RP9: variants seen among roughly 807,000 people sequenced by gnomAD.
RP9 encodes the protein retinitis pigmentosa 9 protein.
A neutral mutation model predicts 32.6 loss-of-function variants in RP9; 23 were observed. That is an observed-to-expected ratio of 0.71 (90% CI 0.51 to 1.00). The LOEUF is 1.00. Ranked by LOEUF, RP9 falls within the 50% of genes least tolerant of loss-of-function variation. The pLI is 0.00. For synonymous variants in RP9, 94 were observed against 103.6 expected, an observed-to-expected ratio of 0.91 and a Z score of 0.56; for missense variants, 245 against 285.3, an observed-to-expected ratio of 0.86 and a Z score of 1.02.
At chr7:33,098,687 A>G (rs6948361) in intron 3 of RP9, among the ~76,000 whole-genome samples, 82,246 of 152,016 alleles carry the variant, frequency 0.54, 22,938 homozygotes, top group African/African-American at 0.68. Context: ...TTTAACAAAT[A>G]ATCAAGGCAA....
At chr7:33,107,138 T>C (rs1788510882) in intron 1 of RP9, among the ~76,000 whole-genome samples, 1 of 152,196 alleles carries the variant, frequency 6.6e-6, no homozygotes, top group African/African-American at 2.4e-5. Context: ...ATTACTGTGG[T>C]ATAAATACAA....
At chr7:33,107,526 G>A (rs569434642) in intron 1 of RP9, among the ~76,000 whole-genome samples, 3 of 152,220 alleles carry the variant, frequency 2.0e-5, no homozygotes, top group South Asian at 2.1e-4. Flanking sequence ...GACCAAGAGC[G>A]CCACACAGTG....
intron 1 of RP9, among the ~76,000 whole-genome samples, chr7:33,102,494 T>C (rs79092269): frequency 6.6e-6 from 1 of 151,898 alleles, no homozygotes; most frequent in Non-Finnish European, 1.5e-5. Context: ...ATTCTCAAGA[T>C]AAAAAAAAGT....
intron 1 of RP9, among the ~76,000 whole-genome samples, chr7:33,104,628 A>G (rs1444459303): frequency 6.6e-6 from 1 of 152,216 alleles, no homozygotes; most frequent in East Asian, 1.9e-4. Flanking sequence ...CAGTTTTGGA[A>G]GCTAGAAGAT....
At chr7:33,096,410 C>A in intron 5 of RP9, 83 bp downstream of exon 5, 1 of 936,030 alleles carries the variant, frequency 1.1e-6, no homozygotes, top group South Asian at 1.3e-5. Context: ...CTGCACCATT[C>A]CTCTAACACT....
At chr7:33,096,582 G>T (rs769762099) in intron 4 of RP9, 28 bp from the exon 5 acceptor site, 2 of 1,509,918 alleles carry the variant, frequency 1.3e-6, no homozygotes, top group South Asian at 2.2e-5. Context: ...GTTAAGGTTT[G>T]GTTAGGCTTC....
At chr7:33,096,625 A>T (rs1216807347) in intron 4 of RP9, 71 bp from the exon 5 acceptor site, 1 of 1,032,800 alleles carries the variant, frequency 9.7e-7, no homozygotes, top group Non-Finnish European at 1.5e-6. Flanking sequence ...TGAAATGCCT[A>T]TGTTATGAAA....
At chr7:33,108,982 A>C (rs1262325469) in intron 1 of RP9, among the ~76,000 whole-genome samples, 2 of 152,092 alleles carry the variant, frequency 1.3e-5, no homozygotes, top group East Asian at 3.9e-4. Context: ...CCCAAGTCAG[A>C]TTCTGCTTGG....
intron 1 of RP9, among the ~76,000 whole-genome samples, chr7:33,105,778 A>G (rs2128033743): frequency 6.6e-6 from 1 of 152,284 alleles, no homozygotes; most frequent in South Asian, 2.1e-4. Flanking sequence ...TTGTCTAATC[A>G]TATTTCTACA....
At chr7:33,100,722 T>C (rs1788412084) in intron 1 of RP9, 161 bp from the exon 2 acceptor site, 4 of 721,210 alleles carry the variant, frequency 5.5e-6, no homozygotes, top group African/African-American at 1.7e-5. Flanking sequence ...AAGAGCAGAA[T>C]GCTTCTCCTC....
intron 1 of RP9, among the ~76,000 whole-genome samples, chr7:33,101,447 C>G (rs561357484): frequency 6.6e-6 from 1 of 151,926 alleles, no homozygotes; most frequent in South Asian, 2.1e-4. Context: ...ACTAAAAATA[C>G]AAAAATTAGC....
intron 3 of RP9, among the ~76,000 whole-genome samples, chr7:33,097,719 A>C (rs1202022756): frequency 2.0e-5 from 3 of 151,930 alleles, no homozygotes; most frequent in Non-Finnish European, 2.9e-5. Flanking sequence ...TCCTGGGTTC[A>C]AGATATTCTT....
chr7:33,095,504 G>A lies in RP9; in HGVS notation c.468-72C>T, dbSNP rs1788318590. ...TTACAACAGTTGCTTAGATAAATAT[G>A]TCATTCAAAAGCAGTATAGGATGAT... On this transcript the variant is annotated intron_variant, in intron 5 of 5. Transcript: ENST00000297157. 3 of 1,598,016 alleles carry A rather than the reference G, an allele frequency of 1.9e-6. No individual in the cohort carries two copies. In the African/African-American group the frequency reaches 4.0e-5, roughly 21 times the overall value.
At position 33,109,142 on chromosome 7, in the gene RP9, G is replaced by C. The variant is rs1788544237; in HGVS notation, c.152+79C>G. ...GCGGGGGCTCGGAGGACCCGGCCTA[G>C]CGCCCACCGCGGCGTCCCGCGCCCC... On this transcript the variant is annotated intron_variant, in intron 1 of 5. Transcript: ENST00000297157. This position sits in a 1 kb window ranked among gnomAD's most constrained non-coding sequence, Gnocchi z 4.9. 2.1e-6 allele frequency: 3 copies of C among 1,448,872 alleles called. No individual in the cohort carries two copies. Among genetic ancestry groups the C allele is most frequent in the Non-Finnish European group, 2.7e-6 (3 of 1,101,082 alleles). 89.8% of individuals were successfully genotyped at this position (1,448,872 alleles called of 1,614,324 possible).
rs1788370014 is a variant in RP9 at position 33,098,215 on chromosome 7, A to C, written c.314-853T>G. Reference sequence around the variant, plus strand: ...AGCTTAGGCAACATGGTGAAACCCTATCTCTACAAAAGTACAAAAAAATTA... The same window carrying C: ...AGCTTAGGCAACATGGTGAAACCCTCTCTCTACAAAAGTACAAAAAAATTA... On this transcript the variant is annotated intron_variant, in intron 3 of 5. Transcript: ENST00000297157. Among the ~76,000 whole-genome samples the C allele has an allele frequency of 2.0e-5, 3 of 152,002 alleles. No homozygotes were observed. In the South Asian group the frequency reaches 6.2e-4, roughly 32 times the overall value.
chr7:33,100,962 T>C (rs1788415231), intron 1 of RP9: 1 of 364,640 alleles, frequency 2.7e-6, no homozygotes, highest in Non-Finnish European at 5.4e-6. Flanking sequence ...TGCAAATATT[T>C]TTAGCTCAGG....
chr7:33,094,807 AAAT>A lies in RP9; in HGVS notation c.*424_*426del, dbSNP rs1189271843. 21 of 180,374 alleles carry A rather than the reference AAAT, an allele frequency of 1.2e-4. No individual in the cohort carries two copies. Among genetic ancestry groups the A allele is most frequent in the African/African-American group, 4.0e-4 (17 of 42,244 alleles). The allele number at this position is 180,374 out of a possible 1,614,324, so 11.2% of individuals were successfully genotyped here. On this transcript the variant is annotated 3_prime_UTR_variant, in exon 6 of 6. Transcript: ENST00000297157. ...AATAAATACATTCCATTTAAAAAAT[AAAT>A]AATGAGCTTTTATTATTCTCAACAA...
intron 5 of RP9, 62 bp downstream of exon 5, chr7:33,096,431 T>C: frequency 8.1e-7 from 1 of 1,227,318 alleles, no homozygotes; most frequent in South Asian, 1.2e-5. Context: ...AGAGTGGTTT[T>C]CTCCAACTTT....
chr7:33,106,879 G>A (rs1788507268), intron 1 of RP9, among the ~76,000 whole-genome samples: 1 of 152,016 alleles, frequency 6.6e-6, no homozygotes, highest in Non-Finnish European at 1.5e-5. Flanking sequence ...AGGAAGTGGA[G>A]GCTGCAGTGA....
Sources: allele counts gnomAD v4.1 joint callset (sites outside exome capture counted in the v4.1 genomes callset), GRCh38; gene constraint gnomAD v4.1.1; non-coding constraint Gnocchi (gnomAD v3.1); transcripts MANE v1.5; gene names NCBI Gene and HGNC (gene_info 2026-07-23, HGNC 2026-07-21).